The following LY96 variants were observed in gnomAD, a reference collection of about 807,000 sequenced individuals.
LY96 encodes the protein myeloid differentiation protein-2.
LY96 carries 18 observed loss-of-function variants against 18.9 expected under a neutral mutation model. The observed-to-expected ratio is 0.95, with a 90% CI of 0.66 to 1.41. The LOEUF (loss-of-function observed/expected upper bound fraction) is 1.41. LY96 is among the 40% of genes most tolerant of loss of function. The pLI, the probability that LY96 is intolerant of heterozygous loss-of-function variation, is 0.00. For synonymous variants in LY96, 66 were observed against 62.6 expected, an observed-to-expected ratio of 1.06 and a Z score of -0.26; for missense variants, 175 against 182.4, an observed-to-expected ratio of 0.96 and a Z score of 0.23.
chr8:74,081,083 T>TTCTC, the LY96 span, among the ~76,000 whole-genome samples: 27 of 114,560 alleles, frequency 2.4e-4, no homozygotes, highest in East Asian at 7.4e-4. Context: ...TTTCTTCTCT[T>TTCTC]TCTCTCTTTC....
the LY96 span, among the ~76,000 whole-genome samples, chr8:74,088,745 C>T: frequency 2.0e-5 from 3 of 152,238 alleles, no homozygotes; most frequent in African/African-American, 7.2e-5. Flanking sequence ...ACCACTACAC[C>T]TGGTTAATTT....
intron 3 of LY96, among the ~76,000 whole-genome samples, chr8:74,019,755 G>A (rs1399889715): frequency 6.6e-6 from 1 of 152,146 alleles, no homozygotes; most frequent in Non-Finnish European, 1.5e-5. Context: ...GGGATGCAAG[G>A]CTGGTTCAGC....
chr8:74,043,919 G>A, the LY96 span, among the ~76,000 whole-genome samples: 98 of 152,200 alleles, frequency 6.4e-4, no homozygotes, highest in African/African-American at 2.3e-3. Flanking sequence ...CTGCAGCCTC[G>A]ACCTCACAGG....
chr8:74,034,741 A>C, the LY96 span, among the ~76,000 whole-genome samples: 1 of 152,124 alleles, frequency 6.6e-6, no homozygotes, highest in Non-Finnish European at 1.5e-5. Flanking sequence ...TTCACTGAAA[A>C]TGCCCCGCTG....
At chr8:74,050,460 G>A in the LY96 span, among the ~76,000 whole-genome samples, 37 of 151,916 alleles carry the variant, frequency 2.4e-4, no homozygotes, top group African/African-American at 7.2e-4. Context: ...TCCACCATCC[G>A]TCACCAGGTA....
chr8:74,021,979 A>G (rs1196270593), intron 3 of LY96, among the ~76,000 whole-genome samples: 4 of 152,098 alleles, frequency 2.6e-5, no homozygotes, highest in Non-Finnish European at 5.9e-5. Flanking sequence ...TAAATGACTA[A>G]TTAATTGGTG....
chr8:74,054,526 TCCTTCCTTCC>T, the LY96 span, among the ~76,000 whole-genome samples: 11 of 72,448 alleles, frequency 1.5e-4, no homozygotes, highest in Non-Finnish European at 2.3e-4. Flanking sequence ...TTCTTTTCCT[TCCTTCCTTCC>T]TTCCTTCCTT....
At chr8:74,008,106 C>T (rs1816452965) in intron 2 of LY96, among the ~76,000 whole-genome samples, 1 of 152,210 alleles carries the variant, frequency 6.6e-6, no homozygotes. Context: ...CATCCCCAGC[C>T]TGCTGAGCCA....
At chr8:74,068,588 T>C in the LY96 span, among the ~76,000 whole-genome samples, 75 of 152,330 alleles carry the variant, frequency 4.9e-4, no homozygotes, top group Non-Finnish European at 9.6e-4. Context: ...AGTGTATGCT[T>C]ACTCTACATT....
the LY96 span, among the ~76,000 whole-genome samples, chr8:74,061,614 A>G: frequency 6.6e-6 from 1 of 152,198 alleles, no homozygotes; most frequent in Non-Finnish European, 1.5e-5. Context: ...AAGAGAGTAA[A>G]TTTTTAATGT....
intron 1 of LY96, among the ~76,000 whole-genome samples, chr8:74,000,325 A>G (rs1315003732): frequency 6.9e-6 from 1 of 143,920 alleles, no homozygotes; most frequent in African/African-American, 2.5e-5. Flanking sequence ...GTTTTAGGGA[A>G]CAGACACAAG....
At position 73,999,889 on chromosome 8, in the gene LY96, A is replaced by G. The variant is rs191726395; in HGVS notation, c.113-4907A>G. ...AGACTATGTCATCTGCAAAAAGATA[A>G]TTTTACTTCTTCCCTTCCAATTTGG... On this transcript the variant is annotated intron_variant, in intron 1 of 4. Transcript: ENST00000284818. Among the ~76,000 whole-genome samples, 25 of 152,042 alleles carry G rather than the reference A, an allele frequency of 1.6e-4. 1 individual carries two copies. In the East Asian group the frequency reaches 3.9e-3, roughly 24 times the overall value.
chr8:74,032,616 C>G (rs531127943), downstream of LY96, among the ~76,000 whole-genome samples: 1 of 152,350 alleles, frequency 6.6e-6, no homozygotes, highest in South Asian at 2.1e-4. Flanking sequence ...AGACGTGAGT[C>G]TGCCCGGTGC....
At chr8:74,035,352 G>A in the LY96 span, among the ~76,000 whole-genome samples, 5 of 152,212 alleles carry the variant, frequency 3.3e-5, no homozygotes, top group African/African-American at 1.2e-4. Flanking sequence ...GCCATACCAA[G>A]GGACAGGATG....
At chr8:74,047,774 A>C in the LY96 span, among the ~76,000 whole-genome samples, 1 of 152,222 alleles carries the variant, frequency 6.6e-6, no homozygotes. Context: ...GTATTATCCA[A>C]ACCACAATGC....
chr8:74,015,113 G>A (rs932572357), intron 3 of LY96, among the ~76,000 whole-genome samples: 5 of 152,004 alleles, frequency 3.3e-5, no homozygotes, highest in African/African-American at 9.7e-5. Context: ...AGGCTGAGGC[G>A]GGAGGATCAC....
chr8:74,098,014 G>A, the LY96 span, among the ~76,000 whole-genome samples: 1 of 152,216 alleles, frequency 6.6e-6, no homozygotes, highest in South Asian at 2.1e-4. Flanking sequence ...TTTTTCACCA[G>A]TCAGACCTCT....
At chr8:74,080,021 T>C in the LY96 span, among the ~76,000 whole-genome samples, 1 of 152,186 alleles carries the variant, frequency 6.6e-6, no homozygotes, top group East Asian at 1.9e-4. Flanking sequence ...AGTTTCTTCC[T>C]CAAGTTCACA....
At chr8:74,081,005 T>TC in the LY96 span, among the ~76,000 whole-genome samples, 1 of 122,328 alleles carries the variant, frequency 8.2e-6, no homozygotes, top group African/African-American at 4.2e-5. Context: ...TTTCTTTCTT[T>TC]CTTTCTTTCT....
Sources: gnomAD v4.1 joint callset for allele counts (sites outside exome capture counted in the v4.1 genomes callset) on GRCh38, gnomAD v4.1.1 for gene constraint, MANE v1.5 for transcripts, NCBI Gene and HGNC (gene_info 2026-07-23, HGNC 2026-07-21) for gene names.